DENND5B: variants seen among roughly 807,000 people sequenced by gnomAD.
The protein encoded by DENND5B is DENN domain-containing protein 5B.
In DENND5B, 34 loss-of-function variants were observed where a neutral mutation model predicts 140.6. The ratio of observed to expected loss-of-function variants is 0.24; its 90% CI spans 0.18 to 0.32. The LOEUF (loss-of-function observed/expected upper bound fraction) is 0.32. Ranked by LOEUF, DENND5B falls within the 10% of genes least tolerant of loss-of-function variation. DENND5B has a pLI of 1.00. For synonymous variants in DENND5B, 551 were observed against 562.1 expected, an observed-to-expected ratio of 0.98 and a Z score of 0.28; for missense variants, 1,142 against 1,560.2, an observed-to-expected ratio of 0.73 and a Z score of 4.52.
At chr12:31,583,046 C>A (rs536137008) in intron 1 of DENND5B, among the ~76,000 whole-genome samples, 1 of 152,314 alleles carries the variant, frequency 6.6e-6, no homozygotes, top group Admixed American at 6.5e-5. Flanking sequence ...GTAATCCCAG[C>A]ACTTTGGGAG....
intron 1 of DENND5B, among the ~76,000 whole-genome samples, chr12:31,581,992 T>A (rs1263751163): frequency 6.6e-6 from 1 of 152,210 alleles, no homozygotes; most frequent in Non-Finnish European, 1.5e-5. Flanking sequence ...TGTTATGCTG[T>A]ATTGTTTAGG....
intron 11 of DENND5B, among the ~76,000 whole-genome samples, chr12:31,418,532 G>T (rs1052542044): frequency 6.7e-6 from 1 of 150,246 alleles, no homozygotes; most frequent in East Asian, 2.0e-4. Context: ...GGACTCAAGC[G>T]ATCTGCCTGC....
At position 31,588,418 on chromosome 12, in the gene DENND5B, C is replaced by T. The variant is rs543006142; in HGVS notation, c.127+2288G>A. Among the ~76,000 whole-genome samples the T allele has an allele frequency of 5.5e-4, 84 of 152,176 alleles. 1 individual carries two copies. The highest frequency in any genetic ancestry group is 2.0e-3 in the African/African-American group (81 of 41,442). On this transcript the variant is annotated intron_variant, in intron 1 of 20. Coordinates refer to ENST00000389082, the MANE Select transcript of DENND5B (RefSeq NM_144973.4). ...TACAGTCGGCACTTCACGTGGACTC[C>T]GCATCCACAGATTCAACCAAGCACA... is the stretch of plus-strand genomic sequence containing the variant.
In DENND5B at chr12:31,389,347, C is replaced by A; in HGVS notation, c.3618G>T (p.Gln1206His). The A allele has an allele frequency of 6.2e-7, 1 of 1,612,644 alleles. No individual in the cohort carries two copies. The highest frequency in any genetic ancestry group is 8.5e-7 in the Non-Finnish European group (1 of 1,179,412). Residue 1206 changes from glutamine (Q) to histidine (H), a missense_variant, in exon 20 of 21, where the codon CAG becomes CAT. Gln to His is a conservative substitution (Grantham distance 24). Around this residue, in one of 5 missense-constraint regions of DENND5B, gnomAD observed 125 missense variants for 179.0 expected, o/e 0.70. Transcript: ENST00000389082. ...PRNIGKDGKFQILVCLGTRDR... is the reference protein window; with the variant it reads ...PRNIGKDGKFHILVCLGTRDR... ...ACCTTGTTCCAAGGCAAACTAAAAT[C>A]TGGAATTTGCCATCCTTCCCAATGT...
chr12:31,389,406 G>C lies in DENND5B; in HGVS notation c.3559C>G (p.His1187Asp). ...GCAGTATTAATAGCATTTACGTAGTGGCAGAAGGTTTTGCAGGATGATTTC... is the reference window on the plus strand; with the variant it reads ...GCAGTATTAATAGCATTTACGTAGTCGCAGAAGGTTTTGCAGGATGATTTC... ...IQKSSCKTFC[H>D]YVNAINTAPR... is the part of the protein sequence containing the mutation. Residue 1187 changes from histidine to aspartate, a missense_variant, in exon 20 of 21, where the codon CAC (histidine) becomes GAC (aspartate). Physicochemically the swap from His to Asp is moderately conservative, Grantham distance 81 (BLOSUM62 -1). Transcript: ENST00000389082. The C allele has an allele frequency of 6.2e-7, 1 of 1,612,722 alleles. No homozygotes were observed. Among genetic ancestry groups the C allele is most frequent in the Non-Finnish European group, 8.5e-7 (1 of 1,179,370 alleles).
chr12:31,460,456 G>A, intron 3 of DENND5B, 75 bp from the exon 4 acceptor site: 4 of 1,445,294 alleles, frequency 2.8e-6, no homozygotes, highest in South Asian at 2.9e-5. Context: ...TGGAAAATGT[G>A]GATCTTAAGA....
intron 1 of DENND5B, among the ~76,000 whole-genome samples, chr12:31,579,559 G>A (rs1950140454): frequency 6.6e-6 from 1 of 152,134 alleles, no homozygotes; most frequent in Non-Finnish European, 1.5e-5. Flanking sequence ...TACTTGGGAG[G>A]CTGAGGCAGG....
intron 1 of DENND5B, among the ~76,000 whole-genome samples, chr12:31,517,593 G>A (rs754611633): frequency 2.0e-5 from 3 of 152,180 alleles, no homozygotes; most frequent in Non-Finnish European, 4.4e-5. Flanking sequence ...TTTTACTAAC[G>A]ATTGTATTTG....
At chr12:31,520,215 T>G (rs937725939) in intron 1 of DENND5B, among the ~76,000 whole-genome samples, 1 of 152,254 alleles carries the variant, frequency 6.6e-6, no homozygotes, top group Non-Finnish European at 1.5e-5. Context: ...CAAAATGAAT[T>G]GTGATAACAT....
At chr12:31,550,144 A>G (rs185127190) in intron 1 of DENND5B, among the ~76,000 whole-genome samples, 348 of 151,326 alleles carry the variant, frequency 2.3e-3, no homozygotes, top group African/African-American at 8.0e-3. Context: ...TACATGTGCC[A>G]TGCTGGTGTG....
Position 31,441,053 on chromosome 12 carries a change from T to G in DENND5B, c.2012+1722A>C, listed in dbSNP as rs367654900. 4.3e-4 allele frequency among the ~76,000 whole-genome samples: 65 copies of G among 151,654 alleles called. No homozygotes were observed. The East Asian group carries it at 0.012, about 27-fold the overall frequency. On this transcript the variant is annotated intron_variant, in intron 7 of 20. Transcript: ENST00000389082. ...GCCTGGCCTAATTTAAAAAAAAATT[T>G]TTGTAGGGGCTTGGCCTGGTGGCTC... is the stretch of plus-strand genomic sequence containing the variant.
chr12:31,528,263 G>A lies in DENND5B; in HGVS notation c.128-32344C>T, dbSNP rs573611596. 3.9e-5 allele frequency among the ~76,000 whole-genome samples: 6 copies of A among 152,242 alleles called. No homozygotes were observed. The South Asian group carries it at 8.3e-4, about 21-fold the overall frequency. On this transcript the variant is annotated intron_variant, in intron 1 of 20. Transcript: ENST00000389082. ...TTCTTCCAAGTTCTGGTTGCTATGCGCATTCTTTGGCTTACAGCTGCATCA... is the reference window on the plus strand; with the variant it reads ...TTCTTCCAAGTTCTGGTTGCTATGCACATTCTTTGGCTTACAGCTGCATCA...
intron 8 of DENND5B, among the ~76,000 whole-genome samples, chr12:31,429,410 T>C (rs1177048175): frequency 6.6e-6 from 1 of 152,138 alleles, no homozygotes; most frequent in Non-Finnish European, 1.5e-5. Flanking sequence ...TTATTTATTA[T>C]TATTATTTTT....
rs746678542 is a variant in DENND5B at position 31,452,269 on chromosome 12, T to C, written c.1300A>G (p.Asn434Asp). 6.2e-7 allele frequency: 1 copy of C among 1,613,994 alleles called. No individual in the cohort carries two copies. The highest frequency in any genetic ancestry group is 2.2e-5 in the East Asian group (1 of 44,890). Residue 434 changes from asparagine to aspartate, a missense_variant, in exon 5 of 21, where the codon AAC (asparagine) becomes GAC (aspartate). Transcript: ENST00000389082. ...ATGTTATTAGTACAGACATTGCCGT[T>C]CTTTTTGTCATTGACCAAGTCTTTC... ...VLKDLVNDKK[N>D]GNVCTNNISM...
chr12:31,489,410 A>G (rs1188960028), intron 2 of DENND5B, among the ~76,000 whole-genome samples: 1 of 152,162 alleles, frequency 6.6e-6, no homozygotes, highest in African/African-American at 2.4e-5. Context: ...GTCTAGTAGG[A>G]AAGACAGACA....
intron 1 of DENND5B, among the ~76,000 whole-genome samples, chr12:31,570,785 T>A (rs981838086): frequency 6.6e-6 from 1 of 152,026 alleles, no homozygotes; most frequent in Non-Finnish European, 1.5e-5. Context: ...TGTCCCTTCT[T>A]AGGTTATACC....
Position 31,385,389 on chromosome 12 carries a change from C to T in DENND5B, c.*2214G>A, listed in dbSNP as rs941309509. 10 of 152,290 alleles carry T rather than the reference C, an allele frequency of 6.6e-5. No individual in the cohort carries two copies. The East Asian group carries it at 1.9e-3, about 29-fold the overall frequency. 9.4% of individuals were successfully genotyped at this position (152,290 alleles called of 1,614,324 possible). On this transcript the variant is annotated 3_prime_UTR_variant, in exon 21 of 21. Coordinates refer to ENST00000389082, the MANE Select transcript of DENND5B (RefSeq NM_144973.4). ...TGTTCCCATCCACAAAGTAAGAAGG[C>T]TGGATGAGGTGTGTCAATCCTAGCA...
At chr12:31,587,538 T>C (rs1950438288) in intron 1 of DENND5B, among the ~76,000 whole-genome samples, 1 of 83,766 alleles carries the variant, frequency 1.2e-5, no homozygotes, top group Non-Finnish European at 2.3e-5. Flanking sequence ...TTTTTTTTTT[T>C]TTTTTTTTTT....
At chr12:31,477,326 C>T (rs1591874464) in intron 3 of DENND5B, among the ~76,000 whole-genome samples, 2 of 152,146 alleles carry the variant, frequency 1.3e-5, no homozygotes. Context: ...AATCCCTACT[C>T]CATTCAGGGA....
Sources: gnomAD v4.1 joint callset for allele counts (sites outside exome capture counted in the v4.1 genomes callset) on GRCh38, gnomAD v4.1.1 for gene constraint, gnomAD v4.1.1 regional missense constraint, MANE v1.5 for transcripts, NCBI Gene and HGNC (gene_info 2026-07-23, HGNC 2026-07-21) for gene names.